The following PDE4D variants were observed in gnomAD, a reference collection of about 807,000 sequenced individuals.
The protein encoded by PDE4D is phosphodiesterase 4D.
PDE4D carries 24 observed loss-of-function variants against 87.4 expected under a neutral mutation model. That is an observed-to-expected ratio of 0.27 (90% confidence interval 0.20 to 0.39). The LOEUF (loss-of-function observed/expected upper bound fraction) is 0.39, where lower values mean the gene tolerates loss of function less well. PDE4D is among the 10% of genes least tolerant of loss of function. PDE4D has a pLI of 1.00. For synonymous variants in PDE4D, 384 were observed against 383.2 expected (o/e 1.00, Z -0.02); for missense variants, 714 against 1,041.0 (o/e 0.69, Z 4.32).
intron 5 of PDE4D, chr5:59,125,275 A>C: frequency 3.0e-6 from 3 of 984,946 alleles, no homozygotes; most frequent in Non-Finnish European, 3.6e-6. Context: ...GACCTTAGGG[A>C]AAATCTCAAC....
chr5:60,342,916 T>A (rs983381099), intron 1 of PDE4D, among the ~76,000 whole-genome samples: 2 of 152,206 alleles, frequency 1.3e-5, no homozygotes, highest in Non-Finnish European at 2.9e-5. Flanking sequence ...AATAGGCAAC[T>A]ATGTGATTAT....
chr5:60,191,038 C>T (rs1184725710), intron 1 of PDE4D, among the ~76,000 whole-genome samples: 1 of 152,074 alleles, frequency 6.6e-6, no homozygotes, highest in Non-Finnish European at 1.5e-5. Flanking sequence ...GATTCATGCC[C>T]TTTAATTTTT....
At chr5:59,876,029 T>C (rs1168929713) in intron 1 of PDE4D, among the ~76,000 whole-genome samples, 1 of 152,058 alleles carries the variant, frequency 6.6e-6, no homozygotes, top group Non-Finnish European at 1.5e-5. Context: ...AATACCTGGG[T>C]GATGAAATAA....
At chr5:59,809,748 G>T (rs1014845996) in intron 1 of PDE4D, among the ~76,000 whole-genome samples, 5 of 152,036 alleles carry the variant, frequency 3.3e-5, no homozygotes, top group Admixed American at 2.6e-4. Flanking sequence ...CATTGAAGAA[G>T]GGACAAAATT....
chr5:59,020,851 G>A (rs1755028872), intron 6 of PDE4D, among the ~76,000 whole-genome samples: 1 of 152,268 alleles, frequency 6.6e-6, no homozygotes, highest in South Asian at 2.1e-4. Context: ...TGTGGCTAGC[G>A]TCAGACTCAT....
At chr5:59,087,560 A>T (rs149208960) in intron 5 of PDE4D, among the ~76,000 whole-genome samples, 2 of 152,312 alleles carry the variant, frequency 1.3e-5, no homozygotes, top group African/African-American at 2.4e-5. Context: ...AAAATTGAAG[A>T]ATATAATAAA....
intron 1 of PDE4D, among the ~76,000 whole-genome samples, chr5:59,219,716 A>G (rs376310503): frequency 3.2e-4 from 48 of 152,350 alleles, no homozygotes; most frequent in African/African-American, 1.2e-3. Context: ...TGGCATCTGT[A>G]TTAAATAGCA....
chr5:59,218,147 A>G (rs1221955878), intron 1 of PDE4D: 3 of 288,520 alleles, frequency 1.0e-5, no homozygotes, highest in East Asian at 1.0e-4. Context: ...GCAGCTTTTC[A>G]GCATGAGGAG....
chr5:59,995,762 T>C (rs571495185), intron 2 of PDE4D, among the ~76,000 whole-genome samples: 54 of 152,312 alleles, frequency 3.5e-4, no homozygotes, highest in Admixed American at 3.5e-3. Flanking sequence ...GTGTGACTAC[T>C]CACTCTGTTA....
chr5:59,341,357 C>T (rs568220215), intron 1 of PDE4D, among the ~76,000 whole-genome samples: 2 of 152,194 alleles, frequency 1.3e-5, no homozygotes, highest in Admixed American at 6.5e-5. Context: ...ACGAGAGCTC[C>T]GTTGTACTTT....
rs1013694567 is a variant in PDE4D at position 59,180,740 on chromosome 5, G to T, written c.759-96C>A. The T allele has an allele frequency of 9.2e-6, 11 of 1,190,826 alleles. No homozygotes were observed. The African/African-American group carries it at 1.4e-4, about 15-fold the overall frequency. 73.8% of individuals were successfully genotyped at this position (1,190,826 alleles called of 1,614,324 possible). On this transcript the variant is annotated intron_variant, in intron 4 of 14. Coordinates refer to ENST00000340635, the MANE Select transcript of PDE4D (RefSeq NM_001104631.2). The stretch of plus-strand genomic sequence containing the variant: ...TTCAGATATAGCATTTTACTTTAAA[G>T]AATTATTTTTAAGTTTGGACACGCA...
intron 4 of PDE4D, among the ~76,000 whole-genome samples, chr5:59,182,042 T>C (rs894926187): frequency 8.5e-5 from 13 of 152,172 alleles, no homozygotes; most frequent in African/African-American, 2.9e-4. Context: ...CCTAAGGTTA[T>C]TGGTATCGAT....
chr5:59,102,660 C>T (rs546586356), intron 5 of PDE4D, among the ~76,000 whole-genome samples: 2 of 152,262 alleles, frequency 1.3e-5, no homozygotes, highest in Admixed American at 1.3e-4. Flanking sequence ...GAACCCAGTG[C>T]TTCTCAAAGG....
intron 1 of PDE4D, among the ~76,000 whole-genome samples, chr5:59,277,033 C>G (rs1764956274): frequency 1.3e-5 from 2 of 152,092 alleles, no homozygotes; most frequent in South Asian, 4.2e-4. Context: ...ATAATGTAAG[C>G]ATTCTGATTG....
chr5:59,990,958 A>C (rs1271287435), intron 2 of PDE4D, among the ~76,000 whole-genome samples: 1 of 152,164 alleles, frequency 6.6e-6, no homozygotes, highest in African/African-American at 2.4e-5. Context: ...TCTAGTTAAA[A>C]CTGGAGCTAA....
intron 1 of PDE4D, among the ~76,000 whole-genome samples, chr5:60,422,288 C>T (rs1743189628): frequency 2.0e-5 from 3 of 152,110 alleles, no homozygotes; most frequent in Admixed American, 1.3e-4. Context: ...TAAGGGCAGC[C>T]AGAGAGAAAG....
At chr5:60,320,505 A>T (rs1756146858) in intron 1 of PDE4D, among the ~76,000 whole-genome samples, 1 of 151,968 alleles carries the variant, frequency 6.6e-6, no homozygotes, top group Non-Finnish European at 1.5e-5. Context: ...CCACTTTCCG[A>T]CACTCCCCAG....
intron 1 of PDE4D, among the ~76,000 whole-genome samples, chr5:59,379,481 A>T (rs1785357214): frequency 6.6e-6 from 1 of 152,106 alleles, no homozygotes; most frequent in Non-Finnish European, 1.5e-5. Flanking sequence ...TTATTTTTAT[A>T]TGTATATACA....
intron 1 of PDE4D, among the ~76,000 whole-genome samples, chr5:60,269,152 A>T (rs779858718): frequency 7.3e-4 from 111 of 152,236 alleles, no homozygotes; most frequent in Admixed American, 3.2e-3. Flanking sequence ...AAAATATTTT[A>T]AAAAATTAGC....
Sources: allele counts gnomAD v4.1 joint callset (sites outside exome capture counted in the v4.1 genomes callset), GRCh38; gene constraint gnomAD v4.1.1; transcripts MANE v1.5; gene names NCBI Gene and HGNC (gene_info 2026-07-23, HGNC 2026-07-21).